The following FBXL18 variants were observed in gnomAD, a reference collection of about 807,000 sequenced individuals.
FBXL18 encodes the protein F-box/LRR-repeat protein 18.
FBXL18 carries 36 observed loss-of-function variants against 46.0 expected under a neutral mutation model. That is an observed-to-expected ratio of 0.78 (90% CI 0.60 to 1.03). FBXL18 has a LOEUF of 1.03. Among genes scored for constraint, FBXL18 ranks in the 50% least tolerant of loss-of-function variants. FBXL18 has a pLI of 0.00. For missense variants in FBXL18, 977 were observed against 1,004.1 expected (o/e 0.97, Z 0.36); for synonymous variants, 557 against 465.3 (o/e 1.20, Z -2.54).
chr7:5,497,158 T>A (rs1426596661), intron 3 of FBXL18, among the ~76,000 whole-genome samples: 2 of 151,654 alleles, frequency 1.3e-5, no homozygotes, highest in Non-Finnish European at 2.9e-5. Context: ...GCTGTGATCA[T>A]GCCACTGCAC....
At chr7:5,492,401 A>T (rs1230591276) in intron 3 of FBXL18, among the ~76,000 whole-genome samples, 1 of 151,274 alleles carries the variant, frequency 6.6e-6, no homozygotes, top group African/African-American at 2.4e-5. Context: ...CTGAGATAAG[A>T]ATCAAGAGGG....
chr7:5,492,116 G>T, intron 3 of FBXL18, among the ~76,000 whole-genome samples: 1 of 150,752 alleles, frequency 6.6e-6, no homozygotes, highest in East Asian at 1.9e-4. Context: ...GGAGGCCCAA[G>T]TCCGCACCAA....
chr7:5,498,243 A>C (rs1248979973), intron 3 of FBXL18, among the ~76,000 whole-genome samples: 2 of 150,516 alleles, frequency 1.3e-5, no homozygotes, highest in African/African-American at 4.9e-5. Context: ...GCCCACCACC[A>C]CGCCCAGCTA....
At chr7:5,510,132 T>A (rs1422826677) in intron 1 of FBXL18, among the ~76,000 whole-genome samples, 4 of 151,250 alleles carry the variant, frequency 2.6e-5, no homozygotes, top group Non-Finnish European at 5.9e-5. Context: ...TGAAACCCCA[T>A]CTCGACTAAA....
chr7:5,489,401 G>A, intron 4 of FBXL18: 1 of 492,284 alleles, frequency 2.0e-6, no homozygotes, highest in South Asian at 1.5e-5. Context: ...TTGGGAGGCT[G>A]AGGTAAGCGG....
chr7:5,509,566 T>C (rs1784476734), intron 1 of FBXL18, among the ~76,000 whole-genome samples: 1 of 151,650 alleles, frequency 6.6e-6, no homozygotes, highest in Non-Finnish European at 1.5e-5. Flanking sequence ...GGTGGTGGGC[T>C]ACTGTCCACA....
At chr7:5,471,004 G>A (rs997119175), downstream of FBXL18, among the ~76,000 whole-genome samples, 2 of 152,084 alleles carry the variant, frequency 1.3e-5, no homozygotes, top group Admixed American at 6.6e-5. Flanking sequence ...CATCTCACCC[G>A]GGCTCTGTGA....
chr7:5,483,098 G>A lies in FBXL18; in HGVS notation c.2001-1167C>T, dbSNP rs776649937. Among the ~76,000 whole-genome samples the A allele has an allele frequency of 5.3e-5, 8 of 151,482 alleles. 1 individual carries two copies. In the South Asian group the frequency reaches 8.4e-4, roughly 16 times the overall value. ...ACAAAGACGACCCAAGTGCCAGCCC[G>A]GGAGCTCCAGGCAGAAGGAAAAACA... is the stretch of plus-strand genomic sequence containing the variant. On this transcript the variant is annotated intron_variant, in intron 4 of 4. Transcript: ENST00000382368.
chr7:5,461,808 G>C (rs1783250133), intron 4 of FBXL18, among the ~76,000 whole-genome samples: 1 of 152,190 alleles, frequency 6.6e-6, no homozygotes, highest in African/African-American at 2.4e-5. Flanking sequence ...AGGCATGATG[G>C]CGGGCGCCTG....
At chr7:5,475,139 C>T (rs1407952160), downstream of FBXL18, among the ~76,000 whole-genome samples, 4 of 150,952 alleles carry the variant, frequency 2.6e-5, no homozygotes, top group Non-Finnish European at 4.4e-5. This position sits in a 1 kb window ranked among gnomAD's most constrained non-coding sequence, Gnocchi z 4.2. Context: ...GTCAACATGG[C>T]GAAACCCCGT....
intron 4 of FBXL18, among the ~76,000 whole-genome samples, chr7:5,459,742 A>AG (rs1436523179): frequency 7.0e-4 from 105 of 150,464 alleles, no homozygotes; most frequent in African/African-American, 2.6e-3. Flanking sequence ...TCCATCTCAA[A>AG]AAAAAAAAAA....
In FBXL18 at chr7:5,500,550, C is replaced by G; in HGVS notation, c.1719G>C (p.Lys573Asn). 1 of 1,613,556 alleles carries G rather than the reference C, an allele frequency of 6.2e-7. No individual in the cohort carries two copies. Among genetic ancestry groups the G allele is most frequent in the South Asian group, 1.1e-5 (1 of 91,074 alleles). Reference sequence around the variant, plus strand: ...CTGAGAGCGCGGGCATGTACACCACCTTCCCCATCATGCCCAGGTTGGCCA... The same window carrying G: ...CTGAGAGCGCGGGCATGTACACCACGTTCCCCATCATGCCCAGGTTGGCCA... ...LSLANLGMMGKVVYMPALSDM... is the reference protein window; with the variant it reads ...LSLANLGMMGNVVYMPALSDM... The change falls in exon 3 of 5, where the codon AAG becomes AAC. Residue 573 changes from lysine to asparagine, a missense_variant. Transcript: ENST00000382368.
In FBXL18 at chr7:5,481,537, T is replaced by G; in HGVS notation, c.*238A>C. On this transcript the variant is annotated 3_prime_UTR_variant, in exon 5 of 5. Coordinates refer to ENST00000382368, the MANE Select transcript of FBXL18 (RefSeq NM_024963.6). ...AGCCTGGTTCAGCCAGCCCCCCACA[T>G]CGACCGTCCCCCGAGCCCCCTCATG... The G allele has an allele frequency of 8.6e-5, 30 of 349,458 alleles. No individual in the cohort carries two copies. Among genetic ancestry groups the G allele is most frequent in the East Asian group, 1.2e-4 (2 of 16,868 alleles). The allele number at this position is 349,458 out of a possible 1,614,324, so 21.6% of individuals were successfully genotyped here.
At chr7:5,483,510 C>T (rs1338053025) in intron 4 of FBXL18, among the ~76,000 whole-genome samples, 8 of 147,020 alleles carry the variant, frequency 5.4e-5, no homozygotes, top group Non-Finnish European at 1.2e-4. Context: ...TTTGGGAGGC[C>T]GAGGTGGGCA....
intron 1 of FBXL18, among the ~76,000 whole-genome samples, chr7:5,510,687 A>C (rs1475415039): frequency 8.9e-6 from 1 of 112,430 alleles, no homozygotes; most frequent in Non-Finnish European, 1.7e-5. Context: ...TCCTGTCTCC[A>C]AAAAAAAAAA....
intron 3 of FBXL18, among the ~76,000 whole-genome samples, chr7:5,497,929 C>G (rs922324475): frequency 9.9e-5 from 15 of 152,036 alleles, no homozygotes; most frequent in African/African-American, 3.4e-4. Context: ...TTCATGTACC[C>G]GCAACCCACC....
intron 4 of FBXL18, 119 bp downstream of exon 4, chr7:5,491,112 C>T: frequency 1.1e-6 from 1 of 933,080 alleles, no homozygotes; most frequent in Admixed American, 2.3e-5. Flanking sequence ...CTGTCACTGC[C>T]TGGTGCTCGT....
downstream of FBXL18, among the ~76,000 whole-genome samples, chr7:5,471,412 G>A (rs1206827445): frequency 3.3e-5 from 5 of 152,290 alleles, no homozygotes; most frequent in East Asian, 9.7e-4. Context: ...AAGTAGCTGG[G>A]ACTACAGGCG....
chr7:5,510,000 G>A (rs1350349785), intron 1 of FBXL18, among the ~76,000 whole-genome samples: 3 of 151,954 alleles, frequency 2.0e-5, no homozygotes, highest in Non-Finnish European at 4.4e-5. Flanking sequence ...CTCTGGAGAG[G>A]AAACAAAAAC....
Sources: allele counts gnomAD v4.1 joint callset (sites outside exome capture counted in the v4.1 genomes callset), GRCh38; gene constraint gnomAD v4.1.1; non-coding constraint Gnocchi (gnomAD v3.1); transcripts MANE v1.5; gene names NCBI Gene and HGNC (gene_info 2026-07-23, HGNC 2026-07-21).